The following SYNE2 variants were observed in gnomAD, a reference collection of about 807,000 sequenced individuals.
The protein encoded by SYNE2 is nesprin-2.
Under a neutral mutation model 856.3 loss-of-function variants are expected in SYNE2, and 431 were observed. The observed-to-expected ratio is 0.50, with a 90% CI of 0.47 to 0.55. SYNE2 has a LOEUF of 0.55. Ranked by LOEUF, SYNE2 falls within the 20% of genes least tolerant of loss-of-function variation. SYNE2 has a pLI of 0.00. For missense variants in SYNE2, 8,129 were observed against 8,023.2 expected, an observed-to-expected ratio of 1.01 and a Z score of -0.50; for synonymous variants, 2,923 against 2,872.3, an observed-to-expected ratio of 1.02 and a Z score of -0.56.
intron 2 of SYNE2, among the ~76,000 whole-genome samples, chr14:63,920,068 T>C (rs964433980): frequency 1.2e-4 from 18 of 150,384 alleles, no homozygotes; most frequent in African/African-American, 4.5e-4. Context: ...GCCCCATTCA[T>C]TTATTTGTTC....
At position 64,163,483 on chromosome 14, in the gene SYNE2, G is replaced by C; in HGVS notation, c.16381G>C (p.Glu5461Gln). The change falls in exon 89 of 116, where the codon GAG (glutamate) becomes CAG (glutamine). Residue 5461 changes from glutamate (E) to glutamine (Q), a missense_variant. Coordinates refer to ENST00000555002, the MANE Select transcript of SYNE2 (RefSeq NM_182914.3). ...CCTGGATCGACTCCCACAACCCGCA[G>C]AGTCCAGCACCCACATGCTCCTCCC... The part of the protein sequence containing the change: ...SVLDRLPQPA[E>Q]SSTHMLLPGP... 1 of 1,614,186 alleles carries C rather than the reference G, an allele frequency of 6.2e-7. No homozygotes were observed. The highest frequency in any genetic ancestry group is 8.5e-7 in the Non-Finnish European group (1 of 1,180,036).
intron 84 of SYNE2, among the ~76,000 whole-genome samples, chr14:64,149,575 G>A (rs962159411): frequency 2.6e-5 from 4 of 152,166 alleles, no homozygotes; most frequent in Admixed American, 6.5e-5. Context: ...GAGTGGGGAG[G>A]TTTGAGATGA....
intron 1 of SYNE2, among the ~76,000 whole-genome samples, chr14:63,858,863 A>G (rs374363286): frequency 9.8e-5 from 15 of 152,294 alleles, no homozygotes; most frequent in African/African-American, 3.6e-4. Flanking sequence ...TTTATTCTTT[A>G]TGGATTGTAC....
chr14:64,089,619 G>C lies in SYNE2; in HGVS notation c.11716G>C (p.Val3906Leu). 1 of 1,609,770 alleles carries C rather than the reference G, an allele frequency of 6.2e-7. No homozygotes were observed. The highest frequency in any genetic ancestry group is 8.5e-7 in the Non-Finnish European group (1 of 1,176,930). Residue 3906 changes from valine to leucine, a missense_variant, in exon 59 of 116, where the codon GTT (valine) becomes CTT (leucine). This residue lies in a region of SYNE2 where 5,410 missense variants were observed against 5,284.8 expected (regional missense o/e 1.02). Transcript: ENST00000555002. The part of the protein sequence containing the change: ...ESEVKSMEKR[V>L]SKIKTILLSK... ...TGAAGTAAAATCAATGGAAAAAAGA[G>C]TTTCAAAAATCAAAACTATCCTATT...
chr14:64,096,144 A>G (rs569229310), intron 61 of SYNE2, among the ~76,000 whole-genome samples: 47 of 152,366 alleles, frequency 3.1e-4, no homozygotes, highest in Non-Finnish European at 5.9e-4. Flanking sequence ...TCTGTTCTTT[A>G]TAAGTTACCC....
chr14:63,842,062 C>A (rs1404446002), intron 1 of SYNE2, among the ~76,000 whole-genome samples: 1 of 151,960 alleles, frequency 6.6e-6, no homozygotes, highest in Admixed American at 6.6e-5. Flanking sequence ...TCTCAATCTC[C>A]TGACCTCATG....
intron 100 of SYNE2, 134 bp downstream of exon 100, chr14:64,203,097 C>T: frequency 8.7e-7 from 1 of 1,154,666 alleles, no homozygotes; most frequent in South Asian, 1.3e-5. Flanking sequence ...CCAGAGAAAA[C>T]TGACCACCTT....
intron 49 of SYNE2, among the ~76,000 whole-genome samples, chr14:64,057,170 A>T (rs1459090400): frequency 6.6e-6 from 1 of 152,130 alleles, no homozygotes; most frequent in Admixed American, 6.5e-5. Context: ...GTACAGTTAA[A>T]TTATTATTGA....
chr14:64,001,501 A>G (rs1953850425), intron 28 of SYNE2, among the ~76,000 whole-genome samples: 1 of 152,224 alleles, frequency 6.6e-6, no homozygotes. Flanking sequence ...CCTGGTCAAC[A>G]TGGTGAAACA....
intron 84 of SYNE2, among the ~76,000 whole-genome samples, chr14:64,149,595 T>C (rs1324819604): frequency 6.6e-6 from 1 of 152,156 alleles, no homozygotes; most frequent in Non-Finnish European, 1.5e-5. Context: ...AGATTATTAA[T>C]CCCTCAAGTT....
Position 63,976,559 on chromosome 14 carries a change from T to TTTTTG in SYNE2, c.1129-4_1129-3insTTTTG. On this transcript the variant is annotated splice_region_variant and splice_polypyrimidine_tract_variant and intron_variant, in intron 11 of 115. Transcript: ENST00000555002. ...TATGTTCTTTTTTTTTTTTTTTTTT[T>TTTTTG]CAGATTAATGCATGGAAAATAAAGC... 6.5e-7 allele frequency: 1 copy of TTTTTG among 1,538,952 alleles called. No individual in the cohort carries two copies. Among genetic ancestry groups the TTTTTG allele is most frequent in the Non-Finnish European group, 8.7e-7 (1 of 1,146,348 alleles).
chr14:63,992,185 C>T lies in SYNE2; in HGVS notation c.2646+1070C>T, dbSNP rs945151303. On this transcript the variant is annotated intron_variant, in intron 21 of 115. Transcript: ENST00000555002. ...CTTAAGAATGAATGCTTGTTTTAAA[C>T]GATGGTGAGGCTGGATTCTAGGTGG... Among the ~76,000 whole-genome samples the T allele has an allele frequency of 5.9e-5, 9 of 151,532 alleles. No homozygotes were observed. The East Asian group carries it at 1.4e-3, about 23-fold the overall frequency.
At chr14:63,855,693 A>G (rs1027135687) in intron 1 of SYNE2, among the ~76,000 whole-genome samples, 5 of 151,726 alleles carry the variant, frequency 3.3e-5, no homozygotes, top group Non-Finnish European at 7.4e-5. Flanking sequence ...ATAAGTTGTT[A>G]TTTTTCCTCC....
At chr14:63,968,219 T>A (rs1287708238) in intron 11 of SYNE2, among the ~76,000 whole-genome samples, 2 of 152,204 alleles carry the variant, frequency 1.3e-5, no homozygotes, top group Non-Finnish European at 2.9e-5. Context: ...AGGGCTTTAT[T>A]TTAAACTTCC....
intron 1 of SYNE2, among the ~76,000 whole-genome samples, chr14:63,889,150 G>GTT (rs547911887): frequency 4.2e-5 from 6 of 143,178 alleles, no homozygotes; most frequent in African/African-American, 1.5e-4. Context: ...TATGGGTATA[G>GTT]TTTTTTTTTT....
At chr14:64,201,536 G>T (rs2098565817) in intron 99 of SYNE2, among the ~76,000 whole-genome samples, 1 of 152,188 alleles carries the variant, frequency 6.6e-6, no homozygotes, top group Admixed American at 6.5e-5. Context: ...AATGCTTGAG[G>T]TACAGAGATC....
chr14:64,196,299 T>G (rs538863402), intron 99 of SYNE2, among the ~76,000 whole-genome samples: 1 of 152,196 alleles, frequency 6.6e-6, no homozygotes, highest in African/African-American at 2.4e-5. Flanking sequence ...TAAGGTAGAC[T>G]AGACACAAAC....
intron 100 of SYNE2, 45 bp downstream of exon 100, chr14:64,203,008 G>A (rs767489963): frequency 5.6e-6 from 9 of 1,607,830 alleles, no homozygotes; most frequent in African/African-American, 1.3e-5. Context: ...CGGTGTCCGC[G>A]ATATGCACTG....
intron 2 of SYNE2, among the ~76,000 whole-genome samples, chr14:63,917,298 A>G (rs993510145): frequency 1.4e-4 from 22 of 152,178 alleles, no homozygotes; most frequent in Non-Finnish European, 2.9e-4. Context: ...GGCTGGTTAG[A>G]TGCTTATTAC....
Sources: gnomAD v4.1 joint callset for allele counts (sites outside exome capture counted in the v4.1 genomes callset) on GRCh38, gnomAD v4.1.1 for gene constraint, gnomAD v4.1.1 regional missense constraint, MANE v1.5 for transcripts, NCBI Gene and HGNC (gene_info 2026-07-23, HGNC 2026-07-21) for gene names.